The following CMTM6 variants were observed in gnomAD, a reference collection of about 807,000 sequenced individuals.
CMTM6 encodes the protein CKLF like MARVEL transmembrane domain containing 6, also known as CKLF-like MARVEL transmembrane domain-containing protein 6.
In CMTM6, 5 loss-of-function variants were observed where a neutral mutation model predicts 13.6. The observed-to-expected ratio is 0.37, with a 90% CI of 0.19 to 0.77. The LOEUF is 0.77. Ranked by LOEUF, CMTM6 falls within the 30% of genes least tolerant of loss-of-function variation. The pLI is 0.50. For missense variants in CMTM6, 196 were observed against 218.6 expected (o/e 0.90, Z 0.65); for synonymous variants, 99 against 84.5 (o/e 1.17, Z -0.94).
At chr3:32,500,875 C>T (rs968096925) in intron 1 of CMTM6, among the ~76,000 whole-genome samples, 3 of 152,128 alleles carry the variant, frequency 2.0e-5, no homozygotes, top group African/African-American at 7.2e-5. Flanking sequence ...CAAACCAATA[C>T]AGATGATTTT....
intron 3 of CMTM6, among the ~76,000 whole-genome samples, chr3:32,485,132 T>G (rs1230164908): frequency 3.3e-5 from 5 of 149,546 alleles, no homozygotes; most frequent in Non-Finnish European, 7.4e-5. Context: ...CTTTCTTAAA[T>G]ACATCAAACT....
At chr3:32,493,437 G>A (rs181450432) in intron 1 of CMTM6, among the ~76,000 whole-genome samples, 1 of 152,324 alleles carries the variant, frequency 6.6e-6, no homozygotes, top group East Asian at 1.9e-4. Context: ...AAAAGGCAAG[G>A]GTGCTAGGGA....
At chr3:32,491,583 G>A (rs577755915) in intron 2 of CMTM6, 127 bp downstream of exon 2, 447 of 750,086 alleles carry the variant, frequency 6.0e-4, no homozygotes, top group South Asian at 1.0e-3. Flanking sequence ...GAAGCAGAGC[G>A]AGTTGGAACA....
At chr3:32,491,929 G>C (rs757084052) in intron 1 of CMTM6, 43 bp from the exon 2 acceptor site, 3 of 1,491,314 alleles carry the variant, frequency 2.0e-6, no homozygotes, top group South Asian at 2.5e-5. Flanking sequence ...TTTTTTCAGA[G>C]AATCTACAGT....
chr3:32,497,216 T>C (rs1040580695), intron 1 of CMTM6, among the ~76,000 whole-genome samples: 4 of 151,542 alleles, frequency 2.6e-5, no homozygotes, highest in Non-Finnish European at 5.9e-5. Context: ...ACCCCGTCTC[T>C]ACTAAAAATA....
chr3:32,488,793 C>G (rs1163217077), intron 2 of CMTM6, among the ~76,000 whole-genome samples: 1 of 152,154 alleles, frequency 6.6e-6, no homozygotes, highest in African/African-American at 2.4e-5. Flanking sequence ...TGAGATGTTT[C>G]ATGGGTTTCC....
At chr3:32,491,025 A>G (rs1575137936) in intron 2 of CMTM6, among the ~76,000 whole-genome samples, 1 of 152,236 alleles carries the variant, frequency 6.6e-6, no homozygotes, top group East Asian at 1.9e-4. Flanking sequence ...CTCTTAATAT[A>G]TATTTCATAA....
rs1697360462 is a variant in CMTM6 at position 32,502,826 on chromosome 3, G to A, written c.-81C>T. 1.5e-6 allele frequency: 2 copies of A among 1,352,598 alleles called. No homozygotes were observed. The highest frequency in any genetic ancestry group is 1.9e-6 in the Non-Finnish European group (2 of 1,052,138). 83.8% of individuals were successfully genotyped at this position (1,352,598 alleles called of 1,614,324 possible). ...CTCCAGAAGTCCCCGGTAGCCGGGA[G>A]GCGGCCGTCACTTCCTGGGCCTTCT... On this transcript the variant is annotated 5_prime_UTR_variant, in exon 1 of 4. Transcript: ENST00000205636.
chr3:32,496,840 A>G (rs3773776), intron 1 of CMTM6, among the ~76,000 whole-genome samples: 13,559 of 152,200 alleles, frequency 0.089, 656 homozygotes, highest in Middle Eastern at 0.15. Flanking sequence ...ATAATAAGGC[A>G]ACTGACCTAA....
intron 3 of CMTM6, among the ~76,000 whole-genome samples, chr3:32,486,737 AATT>A (rs1266781183): frequency 6.6e-6 from 1 of 152,146 alleles, no homozygotes; most frequent in Non-Finnish European, 1.5e-5. Flanking sequence ...TCTCATGTCA[AATT>A]ATAATCCCCA....
intron 3 of CMTM6, among the ~76,000 whole-genome samples, chr3:32,485,600 A>T (rs902608580): frequency 5.3e-5 from 8 of 152,314 alleles, no homozygotes; most frequent in Admixed American, 1.3e-4. Flanking sequence ...AAATGTTTCT[A>T]AACTGAAATT....
At chr3:32,488,948 T>A (rs1697227727) in intron 2 of CMTM6, among the ~76,000 whole-genome samples, 1 of 152,200 alleles carries the variant, frequency 6.6e-6, no homozygotes, top group Non-Finnish European at 1.5e-5. Context: ...TTGAGTTTTC[T>A]GAACTGCAAA....
At chr3:32,497,819 C>A in intron 1 of CMTM6, among the ~76,000 whole-genome samples, 1 of 148,478 alleles carries the variant, frequency 6.7e-6, no homozygotes, top group Admixed American at 6.8e-5. Context: ...GACTGCACCA[C>A]TGCACTCCAG....
chr3:32,482,409 G>A lies in CMTM6; in HGVS notation c.*1551C>T, dbSNP rs531496131. 6.6e-6 allele frequency: 1 copy of A among 151,994 alleles called. No homozygotes were observed. Among genetic ancestry groups the A allele is most frequent in the South Asian group, 2.1e-4 (1 of 4,818 alleles). 9.4% of individuals were successfully genotyped at this position (151,994 alleles called of 1,614,324 possible). ...GATGAGGTCATTAAACTTTATCACT[G>A]GAAACATGATTCCACTGTTTCAAAT... On this transcript the variant is annotated 3_prime_UTR_variant, in exon 4 of 4. Coordinates refer to ENST00000205636, the MANE Select transcript of CMTM6 (RefSeq NM_017801.3).
chr3:32,497,334 G>A (rs1697302657), intron 1 of CMTM6, among the ~76,000 whole-genome samples: 1 of 145,782 alleles, frequency 6.9e-6, no homozygotes, highest in African/African-American at 2.5e-5. Flanking sequence ...TCAGTGAGCC[G>A]AGATCGCACC....
chr3:32,502,088 T>TACC (rs1559426610), intron 1 of CMTM6, among the ~76,000 whole-genome samples: 1 of 152,252 alleles, frequency 6.6e-6, no homozygotes, highest in African/African-American at 2.4e-5. Context: ...ATAAAACTTT[T>TACC]AGAAGACAAT....
intron 3 of CMTM6, among the ~76,000 whole-genome samples, chr3:32,485,726 G>A (rs9854574): frequency 0.11 from 17,324 of 152,060 alleles, 1,273 homozygotes; most frequent in African/African-American, 0.2. Flanking sequence ...TTATTTCTAT[G>A]TTTTGTTTTT....
intron 2 of CMTM6, among the ~76,000 whole-genome samples, chr3:32,489,659 G>GAA (rs57136978): frequency 8.5e-6 from 1 of 118,122 alleles, no homozygotes; most frequent in Non-Finnish European, 1.9e-5. Flanking sequence ...TCTCAAAAAA[G>GAA]AAAAAAAAAA....
chr3:32,502,740 C>A lies in CMTM6; in HGVS notation c.6G>T (p.Glu2Asp). 6.8e-7 allele frequency: 1 copy of A among 1,469,756 alleles called. No homozygotes were observed. Among genetic ancestry groups the A allele is most frequent in the Non-Finnish European group, 9.0e-7 (1 of 1,110,580 alleles). 91.0% of individuals were successfully genotyped at this position (1,469,756 alleles called of 1,614,324 possible). The change falls in exon 1 of 4, where the codon GAG (glutamate) becomes GAT (aspartate). Residue 2 changes from glutamate (E) to aspartate (D), a missense_variant. By Grantham distance (45) the Glu-to-Asp change is conservative. Coordinates refer to ENST00000205636, the MANE Select transcript of CMTM6 (RefSeq NM_017801.3). M[E>D]NGAVYSPTTE... ...TAGTGGGGCTGTACACCGCTCCGTTCTCCATCGCCTCGGGCCGGGGAGCGC... is the reference window on the plus strand; with the variant it reads ...TAGTGGGGCTGTACACCGCTCCGTTATCCATCGCCTCGGGCCGGGGAGCGC...
Sources: allele counts gnomAD v4.1 joint callset (sites outside exome capture counted in the v4.1 genomes callset), GRCh38; gene constraint gnomAD v4.1.1; transcripts MANE v1.5; gene names NCBI Gene and HGNC (gene_info 2026-07-23, HGNC 2026-07-21).